APOA1: variants seen among roughly 807,000 people sequenced by gnomAD.
The protein encoded by APOA1 is apolipoprotein A1.
In APOA1, 22 loss-of-function variants were observed where a neutral mutation model predicts 25.9. That is an observed-to-expected ratio of 0.85 (90% CI 0.61 to 1.21). APOA1 has a LOEUF of 1.21. Ranked by LOEUF, APOA1 falls within the 50% of genes most tolerant of loss-of-function variation. The pLI is 0.00. For synonymous variants in APOA1, 163 were observed against 152.2 expected, an observed-to-expected ratio of 1.07 and a Z score of -0.52; for missense variants, 351 against 347.9, an observed-to-expected ratio of 1.01 and a Z score of -0.07.
At chr11:116,836,432 G>A (rs1333718895) in intron 3 of APOA1, 21 bp from the exon 4 acceptor site, 1 of 1,612,680 alleles carries the variant, frequency 6.2e-7, no homozygotes, top group Non-Finnish European at 8.5e-7. Flanking sequence ...AGACAGAAGG[G>A]TTGAGGGCTG....
chr11:116,835,986 C>G lies in APOA1; in HGVS notation c.626G>C (p.Gly209Ala). Residue 209 changes from glycine to alanine, a missense_variant, in exon 4 of 4, where the codon GGC (glycine) becomes GCC (alanine). Physicochemically the swap from Gly to Ala is moderately conservative, Grantham distance 60. Transcript: ENST00000236850. ...GTGGTACTCGGCCAGTCTGGCGCCG[C>G]CGTTCTCCTTGAGAGCCTCAAGGCG... ...AARLEALKEN[G>A]GARLAEYHAK... The G allele has an allele frequency of 6.2e-7, 1 of 1,609,858 alleles. No individual in the cohort carries two copies. The highest frequency in any genetic ancestry group is 8.5e-7 in the Non-Finnish European group (1 of 1,179,884).
chr11:116,835,890 C>G lies in APOA1; in HGVS notation c.722G>C (p.Gly241Ala). ...GAAGCTCTCCAGCACGGGCAGCAGG[C>G]CTTGGCGGAGGTCCTCGAGCGCGGG... is the stretch of plus-strand genomic sequence containing the variant. ...AKPALEDLRQ[G>A]LLPVLESFKV... Residue 241 changes from glycine to alanine, a missense_variant, in exon 4 of 4, where the codon GGC becomes GCC. Transcript: ENST00000236850. The G allele has an allele frequency of 1.9e-6, 3 of 1,613,270 alleles. No homozygotes were observed. The highest frequency in any genetic ancestry group is 1.1e-5 in the South Asian group (1 of 91,086).
At position 116,835,804 on chromosome 11, in the gene APOA1, C is replaced by T. The variant is rs1941526181; in HGVS notation, c.*4G>A. 8.7e-6 allele frequency: 14 copies of T among 1,612,966 alleles called. No individual in the cohort carries two copies. Among genetic ancestry groups the T allele is most frequent in the Non-Finnish European group, 1.1e-5 (13 of 1,180,026 alleles). ...CACCGGGAAGGGGGGCGGCGGCGGGCGCCTCACTGGGTGTTGAGCTTCTTA... is the reference window on the plus strand; with the variant it reads ...CACCGGGAAGGGGGGCGGCGGCGGGTGCCTCACTGGGTGTTGAGCTTCTTA... On this transcript the variant is annotated 3_prime_UTR_variant, in exon 4 of 4. Coordinates refer to ENST00000236850, the MANE Select transcript of APOA1 (RefSeq NM_000039.3).
intron 3 of APOA1, 70 bp downstream of exon 3, chr11:116,836,931 T>A: frequency 6.4e-7 from 1 of 1,555,848 alleles, no homozygotes. Context: ...ACTCGGCCAG[T>A]CTGGCTTCAA....
intron 3 of APOA1, 90 bp downstream of exon 3, chr11:116,836,911 T>G: frequency 2.1e-6 from 3 of 1,407,492 alleles, no homozygotes; most frequent in African/African-American, 1.4e-5. Flanking sequence ...TCATCAGATA[T>G]TAGGTGAGGA....
rs766981019 is a variant in APOA1 at position 116,836,187 on chromosome 11, T to A, written c.425A>T (p.Lys142Met). The change falls in exon 4 of 4, where the codon AAG becomes ATG. Residue 142 changes from lysine to methionine, a missense_variant. By Grantham distance (95) the Lys-to-Met change is moderately conservative. Transcript: ENST00000236850. ...GAGCTCTGCGCGCAGCGGCTCCACC[T>A]TCTGGCGGTAGAGCTCCATCTCCTC... is the stretch of plus-strand genomic sequence containing the variant. ...WQEEMELYRQ[K>M]VEPLRAELQE... The A allele has an allele frequency of 6.2e-7, 1 of 1,613,728 alleles. No individual in the cohort carries two copies. The highest frequency in any genetic ancestry group is 8.5e-7 in the Non-Finnish European group (1 of 1,180,030).
intron 2 of APOA1, 89 bp from the exon 3 acceptor site, chr11:116,837,246 C>T: frequency 6.3e-7 from 1 of 1,578,698 alleles, no homozygotes. Context: ...GGAGAGGGGG[C>T]CAGTGAGAAA....
chr11:116,836,522 G>A, intron 3 of APOA1, 111 bp from the exon 4 acceptor site: 4 of 1,420,704 alleles, frequency 2.8e-6, no homozygotes, highest in Non-Finnish European at 9.6e-7. Context: ...AGCATTTCCA[G>A]TACACTCTCA....
At chr11:116,837,312 G>C in intron 2 of APOA1, 33 bp downstream of exon 2, 2 of 1,579,588 alleles carry the variant, frequency 1.3e-6, no homozygotes, top group Non-Finnish European at 1.7e-6. Flanking sequence ...AAAGCCCCCC[G>C]ATGGTTGGCT....
In APOA1 at chr11:116,836,131, G is replaced by C; in HGVS notation, c.481C>G (p.Leu161Val). 3 of 1,612,888 alleles carry C rather than the reference G, an allele frequency of 1.9e-6. No homozygotes were observed. Among genetic ancestry groups the C allele is most frequent in the Non-Finnish European group, 2.5e-6 (3 of 1,179,988 alleles). Residue 161 changes from leucine to valine, a missense_variant, in exon 4 of 4, where the codon CTG becomes GTG. Transcript: ENST00000236850. ...CCCAGTGGGCTCAGCTTCTCTTGCA[G>C]CTCGTGCAGCTTCTGGCGCGCGCCC... ...QEGARQKLHE[L>V]QEKLSPLGEE...
In APOA1 at chr11:116,836,156, C is replaced by G; in HGVS notation, c.456G>C (p.Glu152Asp). The G allele has an allele frequency of 6.2e-7, 1 of 1,613,498 alleles. No individual in the cohort carries two copies. Among genetic ancestry groups the G allele is most frequent in the Non-Finnish European group, 8.5e-7 (1 of 1,180,036 alleles). ...GCTCGTGCAGCTTCTGGCGCGCGCC[C>G]TCTTGGAGCTCTGCGCGCAGCGGCT... ...KVEPLRAELQ[E>D]GARQKLHELQ... Residue 152 changes from glutamate (E) to aspartate (D), a missense_variant, in exon 4 of 4, where the codon GAG becomes GAC. Physicochemically the swap from Glu to Asp is conservative, Grantham distance 45. Coordinates refer to ENST00000236850, the MANE Select transcript of APOA1 (RefSeq NM_000039.3).
In APOA1 at chr11:116,837,003, T is replaced by C. The variant is rs540974091; in HGVS notation, c.198A>G (p.Leu66=). The change falls in exon 3 of 4, where the codon CTA becomes CTG. Residue 66 remains leucine (L), a splice_region_variant and synonymous_variant. Transcript: ENST00000236850. ...QFEGSALGKQ[L]NLKLLDNWDS... is the part of the protein sequence containing the mutation. ...TCAACCCCAGGCTGGGTCCTTACTT[T>C]AGCTGTTTTCCCAAGGCGGAGCCTT... 4 of 1,614,108 alleles carry C rather than the reference T, an allele frequency of 2.5e-6. No individual in the cohort carries two copies. The highest frequency in any genetic ancestry group is 4.5e-5 in the East Asian group (2 of 44,882).
rs1264352930 is a variant in APOA1, at chr11:116,836,082, C to A, written c.530G>T (p.Arg177Leu). ...CGTGCGCAGCGCGTCCACATGGGCGCGCGCGCGGTCGCGCATCTCCTCGCC... is the reference window on the plus strand; with the variant it reads ...CGTGCGCAGCGCGTCCACATGGGCGAGCGCGCGGTCGCGCATCTCCTCGCC... ...PLGEEMRDRA[R>L]AHVDALRTHL... Residue 177 changes from arginine (R) to leucine (L), a missense_variant, in exon 4 of 4, where the codon CGC becomes CTC. Physicochemically the swap from Arg to Leu is moderately radical, Grantham distance 102 (BLOSUM62 -2). Coordinates refer to ENST00000236850, the MANE Select transcript of APOA1 (RefSeq NM_000039.3). 1 of 1,606,160 alleles carries A rather than the reference C, an allele frequency of 6.2e-7. No individual in the cohort carries two copies. Among genetic ancestry groups the A allele is most frequent in the Admixed American group, 1.7e-5 (1 of 59,762 alleles).
At position 116,836,028 on chromosome 11, in the gene APOA1, C is replaced by A; in HGVS notation, c.584G>T (p.Arg195Leu). 1 of 1,606,246 alleles carries A rather than the reference C, an allele frequency of 6.2e-7. No individual in the cohort carries two copies. Among genetic ancestry groups the A allele is most frequent in the Non-Finnish European group, 8.5e-7 (1 of 1,179,548 alleles). ...THLAPYSDEL[R>L]QRLAARLEAL... is the part of the protein sequence containing the mutation. ...CTCAAGGCGCGCGGCCAAGCGCTGG[C>A]GCAGCTCGTCGCTGTAGGGGGCCAG... Residue 195 changes from arginine (R) to leucine (L), a missense_variant, in exon 4 of 4, where the codon CGC becomes CTC. Transcript: ENST00000236850.
Position 116,835,853 on chromosome 11 carries a change from G to A in APOA1, c.759C>T (p.Phe253=). 1 of 1,613,160 alleles carries A rather than the reference G, an allele frequency of 6.2e-7. No homozygotes were observed. Among genetic ancestry groups the A allele is most frequent in the Non-Finnish European group, 8.5e-7 (1 of 1,180,032 alleles). Residue 253 remains phenylalanine, a synonymous_variant, in exon 4 of 4, where the codon TTC becomes TTT. Coordinates refer to ENST00000236850, the MANE Select transcript of APOA1 (RefSeq NM_000039.3). Reference sequence around the variant, plus strand: ...TAGTGTACTCCTCGAGAGCGCTCAGGAAGCTGACCTTGAAGCTCTCCAGCA... The same window carrying A: ...TAGTGTACTCCTCGAGAGCGCTCAGAAAGCTGACCTTGAAGCTCTCCAGCA... ...LPVLESFKVS[F]LSALEEYTKK...
rs1565338304 is a variant in APOA1 at position 116,835,762 on chromosome 11, GA to G, written c.*45del. The G allele has an allele frequency of 6.2e-7, 1 of 1,611,988 alleles. No individual in the cohort carries two copies. On this transcript the variant is annotated 3_prime_UTR_variant, in exon 4 of 4. Transcript: ENST00000236850. ...AAGAAAGAAGCTGCTTCCCACTTTG[GA>G]AACGTTTATTCTGAGCACCGGGAAG...
rs749164883 is a variant in APOA1 at position 116,836,135 on chromosome 11, G to A, written c.477C>T (p.His159=). 1.9e-6 allele frequency: 3 copies of A among 1,612,938 alleles called. No homozygotes were observed. Among genetic ancestry groups the A allele is most frequent in the Non-Finnish European group, 2.5e-6 (3 of 1,179,998 alleles). The part of the protein sequence containing the change: ...ELQEGARQKL[H]ELQEKLSPLG... The stretch of plus-strand genomic sequence containing the variant: ...GTGGGCTCAGCTTCTCTTGCAGCTC[G>A]TGCAGCTTCTGGCGCGCGCCCTCTT... Residue 159 remains histidine, a synonymous_variant, in exon 4 of 4, where the codon CAC becomes CAT. Coordinates refer to ENST00000236850, the MANE Select transcript of APOA1 (RefSeq NM_000039.3).
chr11:116,835,986 C>T lies in APOA1; in HGVS notation c.626G>A (p.Gly209Asp). ...GTGGTACTCGGCCAGTCTGGCGCCG[C>T]CGTTCTCCTTGAGAGCCTCAAGGCG... The part of the protein sequence containing the change: ...AARLEALKEN[G>D]GARLAEYHAK... Residue 209 changes from glycine (G) to aspartate (D), a missense_variant, in exon 4 of 4, where the codon GGC (glycine) becomes GAC (aspartate). Transcript: ENST00000236850. 6.2e-7 allele frequency: 1 copy of T among 1,609,858 alleles called. No individual in the cohort carries two copies. Among genetic ancestry groups the T allele is most frequent in the Non-Finnish European group, 8.5e-7 (1 of 1,179,884 alleles).
Position 116,835,841 on chromosome 11 carries a change from G to C in APOA1, c.771C>G (p.Leu257=), listed in dbSNP as rs1335072037. 3.1e-6 allele frequency: 5 copies of C among 1,613,116 alleles called. No individual in the cohort carries two copies. The highest frequency in any genetic ancestry group is 2.2e-5 in the East Asian group (1 of 44,866). ...ESFKVSFLSA[L]EEYTKKLNTQ Reference sequence around the variant, plus strand: ...TGTTGAGCTTCTTAGTGTACTCCTCGAGAGCGCTCAGGAAGCTGACCTTGA... The same window carrying C: ...TGTTGAGCTTCTTAGTGTACTCCTCCAGAGCGCTCAGGAAGCTGACCTTGA... The change falls in exon 4 of 4, where the codon CTC becomes CTG. Residue 257 remains leucine (L), a synonymous_variant. Coordinates refer to ENST00000236850, the MANE Select transcript of APOA1 (RefSeq NM_000039.3).
Sources: allele counts gnomAD v4.1 joint callset, GRCh38; gene constraint gnomAD v4.1.1; transcripts MANE v1.5; gene names NCBI Gene and HGNC (gene_info 2026-07-23, HGNC 2026-07-21).